The following LRRTM4 variants were observed in gnomAD, a reference collection of about 807,000 sequenced individuals.
The protein encoded by LRRTM4 is leucine rich repeat transmembrane neuronal 4, also known as leucine-rich repeat transmembrane neuronal protein 4.
Under a neutral mutation model 47.6 loss-of-function variants are expected in LRRTM4, and 25 were observed. That is an observed-to-expected ratio of 0.53 (90% CI 0.38 to 0.73). LRRTM4 has a LOEUF of 0.73. LRRTM4 is among the 30% of genes least tolerant of loss of function. LRRTM4 has a pLI of 0.00. For synonymous variants in LRRTM4, 311 were observed against 269.5 expected (o/e 1.15, Z -1.51); for missense variants, 638 against 713.4 (o/e 0.89, Z 1.20).
intron 3 of LRRTM4, among the ~76,000 whole-genome samples, chr2:76,976,562 C>T (rs576878258): frequency 1.5e-3 from 221 of 151,816 alleles, no homozygotes; most frequent in Non-Finnish European, 2.4e-3. Flanking sequence ...CAATGTTTTC[C>T]TTCTCTACTA....
At chr2:77,259,496 G>A (rs1441162125) in intron 3 of LRRTM4, among the ~76,000 whole-genome samples, 1 of 152,024 alleles carries the variant, frequency 6.6e-6, no homozygotes, top group Non-Finnish European at 1.5e-5. Context: ...ACACTGGTGA[G>A]GCATTAATAA....
At chr2:76,915,269 T>C (rs1674204812) in intron 3 of LRRTM4, among the ~76,000 whole-genome samples, 1 of 152,160 alleles carries the variant, frequency 6.6e-6, no homozygotes, top group South Asian at 2.1e-4. Context: ...ACAAAAATCA[T>C]TCTGGAAAGT....
chr2:77,105,925 T>A (rs1045927883), intron 3 of LRRTM4, among the ~76,000 whole-genome samples: 1 of 152,212 alleles, frequency 6.6e-6, no homozygotes, highest in African/African-American at 2.4e-5. Flanking sequence ...TTATAATTTC[T>A]TACTCAATTA....
chr2:76,756,832 T>A (rs917117912), intron 3 of LRRTM4, among the ~76,000 whole-genome samples: 1 of 152,126 alleles, frequency 6.6e-6, no homozygotes, highest in African/African-American at 2.4e-5. Context: ...AGGCAAGATT[T>A]ACTAAAAATG....
chr2:77,024,872 T>G (rs777728927), intron 3 of LRRTM4, among the ~76,000 whole-genome samples: 9 of 152,182 alleles, frequency 5.9e-5, no homozygotes, highest in Non-Finnish European at 1.3e-4. Context: ...TATATCTTGT[T>G]GGAAATGTAG....
intron 3 of LRRTM4, among the ~76,000 whole-genome samples, chr2:76,801,828 G>C (rs72815447): frequency 0.16 from 23,906 of 152,012 alleles, 2,033 homozygotes; most frequent in African/African-American, 0.2. Flanking sequence ...ATACCAAAAT[G>C]TATAAATGTG....
intron 3 of LRRTM4, among the ~76,000 whole-genome samples, chr2:77,438,571 T>C (rs1316754868): frequency 6.6e-6 from 1 of 151,950 alleles, no homozygotes; most frequent in East Asian, 1.9e-4. Flanking sequence ...CACTCCAGGC[T>C]GATTTTTTAT....
intron 3 of LRRTM4, among the ~76,000 whole-genome samples, chr2:77,238,004 T>C (rs750627907): frequency 8.6e-5 from 13 of 151,910 alleles, no homozygotes; most frequent in Non-Finnish European, 1.6e-4. Context: ...GGGGAGGAAA[T>C]GAAGACAGGT....
intron 3 of LRRTM4, among the ~76,000 whole-genome samples, chr2:76,940,661 A>C (rs533805984): frequency 6.6e-6 from 1 of 152,010 alleles, no homozygotes; most frequent in Non-Finnish European, 1.5e-5. Context: ...ACAAACAAAT[A>C]TTTTGTTGTT....
chr2:77,346,161 T>C (rs1218802813), intron 3 of LRRTM4, among the ~76,000 whole-genome samples: 1 of 152,016 alleles, frequency 6.6e-6, no homozygotes, highest in Non-Finnish European at 1.5e-5. Flanking sequence ...AATGGTAAAA[T>C]ATAGGAACAA....
chr2:77,512,802 T>C (rs1679070247), intron 3 of LRRTM4, among the ~76,000 whole-genome samples: 1 of 152,094 alleles, frequency 6.6e-6, no homozygotes, highest in Non-Finnish European at 1.5e-5. Context: ...AGCTACACAT[T>C]CCTAAGACCA....
intron 3 of LRRTM4, among the ~76,000 whole-genome samples, chr2:77,210,012 G>C (rs1018632091): frequency 6.6e-6 from 1 of 152,126 alleles, no homozygotes; most frequent in Non-Finnish European, 1.5e-5. Flanking sequence ...GATTTACTGA[G>C]CATTACACTT....
At chr2:77,184,657 A>T (rs1329095894) in intron 3 of LRRTM4, among the ~76,000 whole-genome samples, 2 of 152,104 alleles carry the variant, frequency 1.3e-5, no homozygotes, top group African/African-American at 4.8e-5. Context: ...ATATTACTCT[A>T]TTCGCCTCTG....
At chr2:76,996,053 G>A (rs571864382) in intron 3 of LRRTM4, among the ~76,000 whole-genome samples, 17 of 151,618 alleles carry the variant, frequency 1.1e-4, no homozygotes, top group Admixed American at 7.9e-4. Flanking sequence ...TAAGAAGATC[G>A]TAAATCACCA....
rs964073019 is a variant in LRRTM4, at chr2:76,912,436, G to A, written c.1552-163520C>T. Reference sequence around the variant, plus strand: ...GCTGTTAGAAATAGTGCTTGGATAAGTCTCATTATAAAATTTGATCCACTT... The same window carrying A: ...GCTGTTAGAAATAGTGCTTGGATAAATCTCATTATAAAATTTGATCCACTT... On this transcript the variant is annotated intron_variant, in intron 3 of 3. Transcript: ENST00000409884. Among the ~76,000 whole-genome samples the A allele has an allele frequency of 6.6e-5, 10 of 152,234 alleles. No homozygotes were observed. The East Asian group carries it at 1.5e-3, about 24-fold the overall frequency.
At chr2:76,872,363 A>G (rs529055191) in intron 3 of LRRTM4, among the ~76,000 whole-genome samples, 78 of 152,146 alleles carry the variant, frequency 5.1e-4, no homozygotes, top group Non-Finnish European at 9.7e-4. Context: ...TTGCATTGCA[A>G]AATATGTTTG....
chr2:77,376,661 G>T (rs894625171), intron 3 of LRRTM4, among the ~76,000 whole-genome samples: 8 of 151,742 alleles, frequency 5.3e-5, no homozygotes, highest in Non-Finnish European at 1.2e-4. Flanking sequence ...TATGGGTTTT[G>T]TAAGAGGAGG....
intron 3 of LRRTM4, among the ~76,000 whole-genome samples, chr2:77,268,675 T>C (rs530781581): frequency 1.3e-5 from 2 of 152,296 alleles, no homozygotes; most frequent in East Asian, 3.9e-4. Context: ...ATAGTTGTAC[T>C]CAATTTATTT....
chr2:77,476,147 T>C (rs573290326), intron 3 of LRRTM4, among the ~76,000 whole-genome samples: 2 of 152,074 alleles, frequency 1.3e-5, no homozygotes, highest in Admixed American at 6.5e-5. Flanking sequence ...GCTCAGGAAA[T>C]TGTGCTTACA....
Sources: gnomAD v4.1 joint callset for allele counts (sites outside exome capture counted in the v4.1 genomes callset) on GRCh38, gnomAD v4.1.1 for gene constraint, MANE v1.5 for transcripts, NCBI Gene and HGNC (gene_info 2026-07-23, HGNC 2026-07-21) for gene names.